Variants in AR observed in about 807,000 individuals in gnomAD.
AR encodes androgen receptor.
AR carries 8 observed loss-of-function variants against 53.9 expected under a neutral mutation model. The observed-to-expected ratio is 0.15, with a 90% CI of 0.09 to 0.27. AR has a LOEUF of 0.27. AR is among the 10% of genes least tolerant of loss of function. The pLI, the probability that AR is intolerant of heterozygous loss-of-function variation, is 1.00. For synonymous variants in AR, 359 were observed against 316.4 expected, an observed-to-expected ratio of 1.13 and a Z score of -1.43; for missense variants, 639 against 742.5, an observed-to-expected ratio of 0.86 and a Z score of 1.62.
At chrX:67,707,500 T>C (rs58318935) in intron 3 of AR, among the ~76,000 whole-genome samples, 9,025 of 111,397 alleles carry the variant, frequency 0.081, 285 homozygotes, top group African/African-American at 0.11. Context: ...TGGTAGATCT[T>C]CCTCCATCCC....
intron 1 of AR, among the ~76,000 whole-genome samples, chrX:67,590,466 A>G (rs1027194665): frequency 8.9e-6 from 1 of 112,129 alleles, no homozygotes. Flanking sequence ...AATGATGACA[A>G]TAATCACTAC....
At chrX:67,703,015 C>G (rs750911432) in intron 3 of AR, among the ~76,000 whole-genome samples, 1 of 111,121 alleles carries the variant, frequency 9.0e-6, no homozygotes, top group Non-Finnish European at 1.9e-5. Context: ...GAAGTTGAGG[C>G]TACAGTGAGC....
At position 67,545,185 on chromosome X, in the gene AR, G is replaced by A. The variant is rs773509448; in HGVS notation, c.39G>A (p.Arg13=). 29 of 1,201,691 alleles carry A rather than the reference G, an allele frequency of 2.4e-5. No homozygotes were observed. The Admixed American group carries it at 5.2e-4, about 22-fold the overall frequency. Residue 13 remains arginine (R), a synonymous_variant, in exon 1 of 8, where the codon CGG becomes CGA. Transcript: ENST00000374690. Reference sequence around the variant, plus strand: ...TAGGGCTGGGAAGGGTCTACCCTCGGCCGCCGTCCAAGACCTACCGAGGAG... The same window carrying A: ...TAGGGCTGGGAAGGGTCTACCCTCGACCGCCGTCCAAGACCTACCGAGGAG... ...VQLGLGRVYP[R]PPSKTYRGAF...
At chrX:67,663,452 C>A (rs1430942300) in intron 2 of AR, among the ~76,000 whole-genome samples, 1 of 112,035 alleles carries the variant, frequency 8.9e-6, no homozygotes, top group Non-Finnish European at 1.9e-5. Context: ...GAATATTGGC[C>A]CCCACTCTCT....
intron 1 of AR, among the ~76,000 whole-genome samples, chrX:67,611,265 A>G (rs958957274): frequency 8.9e-6 from 1 of 111,869 alleles, no homozygotes; most frequent in Non-Finnish European, 1.9e-5. Flanking sequence ...TCTGATAAGT[A>G]TAAATAACAG....
intron 1 of AR, among the ~76,000 whole-genome samples, chrX:67,562,107 TTTTA>T (rs2147338342): frequency 9.3e-6 from 1 of 107,001 alleles, no homozygotes; most frequent in African/African-American, 3.4e-5. Context: ...TCCTGGGTAA[TTTTA>T]TTTATTATTT....
chrX:67,691,348 C>T (rs1448595956), intron 3 of AR, among the ~76,000 whole-genome samples: 1 of 112,039 alleles, frequency 8.9e-6, no homozygotes, highest in Admixed American at 9.5e-5. Flanking sequence ...GGTATGTGTC[C>T]TGAGAAAACT....
chrX:67,666,479 G>T lies in AR; in HGVS notation c.1769-19531G>T, dbSNP rs768291354. The stretch of plus-strand genomic sequence containing the variant: ...ATTTGTCTGTTGATAGACAAGAGTT[G>T]CTTCCAAATATTGACTATTGTGAAT... On this transcript the variant is annotated intron_variant, in intron 2 of 7. Coordinates refer to ENST00000374690, the MANE Select transcript of AR (RefSeq NM_000044.6). Among the ~76,000 whole-genome samples, 3 of 111,842 alleles carry T rather than the reference G, an allele frequency of 2.7e-5. No homozygotes were observed. In the South Asian group the frequency reaches 1.1e-3, roughly 42 times the overall value.
intron 3 of AR, among the ~76,000 whole-genome samples, chrX:67,711,201 A>G (rs1305630665): frequency 8.9e-6 from 1 of 112,280 alleles, no homozygotes; most frequent in Non-Finnish European, 1.9e-5. Context: ...AGCTATGAAA[A>G]ATTTGGGTTT....
chrX:67,546,183 C>G lies in AR; in HGVS notation c.1037C>G (p.Ser346Cys). 8.2e-7 allele frequency: 1 copy of G among 1,212,215 alleles called. No individual in the cohort carries two copies. The highest frequency in any genetic ancestry group is 1.8e-5 in the South Asian group (1 of 57,005). Residue 346 changes from serine (S) to cysteine (C), a missense_variant, in exon 1 of 8, where the codon TCT becomes TGT. This residue lies in a region of AR where 423 missense variants were observed against 377.0 expected (regional missense o/e 1.12). Transcript: ENST00000374690. Reference sequence around the variant, plus strand: ...ACACTTGAACTGCCGTCTACCCTGTCTCTCTACAAGTCCGGAGCACTGGAC... The same window carrying G: ...ACACTTGAACTGCCGTCTACCCTGTGTCTCTACAAGTCCGGAGCACTGGAC... ...SGTLELPSTL[S>C]LYKSGALDEA...
intron 1 of AR, among the ~76,000 whole-genome samples, chrX:67,617,587 C>T (rs184362054): frequency 2.7e-5 from 3 of 111,552 alleles, no homozygotes; most frequent in Non-Finnish European, 5.7e-5. Flanking sequence ...TAGAAGCTTC[C>T]CTTGAAGGTT....
chrX:67,640,239 T>G (rs1251449486), intron 1 of AR, among the ~76,000 whole-genome samples: 1 of 111,320 alleles, frequency 9.0e-6, no homozygotes, highest in Non-Finnish European at 1.9e-5. Context: ...TTATTGAGGA[T>G]TTTTGCACTG....
At chrX:67,584,772 A>G (rs1235149417) in intron 1 of AR, among the ~76,000 whole-genome samples, 1 of 111,881 alleles carries the variant, frequency 8.9e-6, no homozygotes, top group African/African-American at 3.2e-5. Flanking sequence ...CAACTCTCCC[A>G]GGCTTCTTTG....
chrX:67,553,248 G>A (rs928240149), intron 1 of AR, among the ~76,000 whole-genome samples: 1 of 111,675 alleles, frequency 9.0e-6, no homozygotes, highest in Non-Finnish European at 1.9e-5. Context: ...ATATGACTGA[G>A]GTAGGGGTCC....
At chrX:67,558,805 G>C (rs756607039) in intron 1 of AR, among the ~76,000 whole-genome samples, 2 of 112,277 alleles carry the variant, frequency 1.8e-5, no homozygotes, top group Non-Finnish European at 3.8e-5. Context: ...TTTACAGTCA[G>C]ACATTGTTTT....
intron 1 of AR, among the ~76,000 whole-genome samples, chrX:67,625,688 A>C (rs1214096647): frequency 6.3e-5 from 7 of 111,741 alleles, no homozygotes; most frequent in African/African-American, 2.3e-4. Flanking sequence ...GTACTGGAAA[A>C]ATTGGATATC....
intron 2 of AR, among the ~76,000 whole-genome samples, chrX:67,658,160 T>G (rs1400188076): frequency 8.9e-6 from 1 of 111,932 alleles, no homozygotes; most frequent in Non-Finnish European, 1.9e-5. Context: ...TTAGCAAGAC[T>G]GTGGAGGAAT....
In AR at chrX:67,544,981, C is replaced by T. The variant is rs569574233; in HGVS notation, c.-166C>T. ...GCACGAGACTTTGAGGCTGTCAGAG[C>T]GCTTTTTGCGTGGTTGCTCCCGCAA... On this transcript the variant is annotated 5_prime_UTR_variant, in exon 1 of 8. Transcript: ENST00000374690. 1.1e-3 allele frequency: 748 copies of T among 704,028 alleles called. 8 individuals carry two copies. In the South Asian group the frequency reaches 0.023, roughly 21 times the overall value. The allele number at this position is 704,028 out of a possible 1,213,427, so 58.0% of individuals were successfully genotyped here.
intron 1 of AR, among the ~76,000 whole-genome samples, chrX:67,624,904 CAAAAAAAAAA>C (rs140323582): frequency 3.8e-4 from 7 of 18,184 alleles, no homozygotes; most frequent in Admixed American, 1.3e-3. Context: ...GGCAATTAGG[CAAAAAAAAAA>C]AAAAAAAAAA....
Sources: allele counts gnomAD v4.1 joint callset (sites outside exome capture counted in the v4.1 genomes callset), GRCh38; gene constraint gnomAD v4.1.1; regional missense constraint gnomAD v4.1.1; transcripts MANE v1.5; gene names NCBI Gene and HGNC (gene_info 2026-07-23, HGNC 2026-07-21).